ABHD17B: variants seen among roughly 807,000 people sequenced by gnomAD.
ABHD17B encodes abhydrolase domain containing 17B, depalmitoylase, also known as alpha/beta hydrolase domain-containing protein 17B.
ABHD17B carries 9 observed loss-of-function variants against 26.2 expected under a neutral mutation model. The ratio of observed to expected loss-of-function variants is 0.34; its 90% confidence interval spans 0.21 to 0.60. The LOEUF is 0.60. Ranked by LOEUF, ABHD17B falls within the 20% of genes least tolerant of loss-of-function variation. The pLI is 0.80. For missense variants in ABHD17B, 224 were observed against 352.1 expected, an observed-to-expected ratio of 0.64 and a Z score of 2.91; for synonymous variants, 127 against 122.3, an observed-to-expected ratio of 1.04 and a Z score of -0.25.
At chr9:71,892,662 A>G (rs552587105) in intron 1 of ABHD17B, among the ~76,000 whole-genome samples, 6 of 147,596 alleles carry the variant, frequency 4.1e-5, no homozygotes, top group East Asian at 2.1e-4. Flanking sequence ...TGGGGGGGGG[A>G]AGGCAGGTGA....
At chr9:71,869,975 T>A in intron 3 of ABHD17B, 108 bp downstream of exon 3, 2 of 993,118 alleles carry the variant, frequency 2.0e-6, no homozygotes, top group Non-Finnish European at 2.9e-6. Flanking sequence ...TGTGCTAATA[T>A]ATATAAAATG....
At chr9:71,886,432 A>T (rs1356097358) in intron 1 of ABHD17B, among the ~76,000 whole-genome samples, 2 of 152,062 alleles carry the variant, frequency 1.3e-5, no homozygotes, top group African/African-American at 4.8e-5. Context: ...AAAAAAAAAA[A>T]AAAAAAATCC....
intron 1 of ABHD17B, among the ~76,000 whole-genome samples, chr9:71,884,519 T>G (rs1028603434): frequency 1.3e-5 from 2 of 151,890 alleles, no homozygotes; most frequent in Non-Finnish European, 2.9e-5. Context: ...TATAATATCA[T>G]TAACATACAT....
chr9:71,875,375 G>A (rs887603504), intron 1 of ABHD17B, among the ~76,000 whole-genome samples: 6 of 152,000 alleles, frequency 3.9e-5, no homozygotes, highest in East Asian at 1.9e-4. Flanking sequence ...ACAGGCATGC[G>A]CCACCACACC....
At chr9:71,887,277 G>A (rs533862442) in intron 1 of ABHD17B, among the ~76,000 whole-genome samples, 1 of 152,108 alleles carries the variant, frequency 6.6e-6, no homozygotes, top group South Asian at 2.1e-4. Context: ...TGTAAGTTGT[G>A]AACTTACTAT....
At chr9:71,870,598 T>C (rs1826081586) in intron 2 of ABHD17B, among the ~76,000 whole-genome samples, 1 of 152,188 alleles carries the variant, frequency 6.6e-6, no homozygotes. Context: ...TCACTAATAT[T>C]TTAATGAACT....
At chr9:71,910,482 C>T (rs1324381557) in intron 1 of ABHD17B, among the ~76,000 whole-genome samples, 152 bp downstream of exon 1, 1 of 152,122 alleles carries the variant, frequency 6.6e-6, no homozygotes, top group African/African-American at 2.4e-5. Flanking sequence ...TCCCCTGTGC[C>T]GAGAAGGGAT....
intron 1 of ABHD17B, among the ~76,000 whole-genome samples, chr9:71,903,464 C>A (rs2132209059): frequency 6.6e-6 from 1 of 152,324 alleles, no homozygotes; most frequent in South Asian, 2.1e-4. Context: ...TCCAAATTCT[C>A]TGATTTTCTG....
chr9:71,873,737 G>T (rs1393831456), intron 2 of ABHD17B, among the ~76,000 whole-genome samples: 1 of 151,378 alleles, frequency 6.6e-6, no homozygotes, highest in African/African-American at 2.4e-5. Flanking sequence ...GTTTCACCAT[G>T]TTGGCCAGAC....
At chr9:71,870,822 T>C (rs550288518) in intron 2 of ABHD17B, among the ~76,000 whole-genome samples, 53 of 152,314 alleles carry the variant, frequency 3.5e-4, no homozygotes, top group African/African-American at 1.3e-3. Context: ...CTTTGCTTAG[T>C]TGTAGAAATG....
Position 71,870,142 on chromosome 9 carries a change from C to T in ABHD17B, c.588G>A (p.Ser196=), listed in dbSNP as rs112750915. The change falls in exon 3 of 4, where the codon TCG becomes TCA. Residue 196 remains serine, a synonymous_variant. Transcript: ENST00000333421. ...TATCAGGAAAGGCAACTCGCATTCC[C>T]GAAGTCAGAGGAGAATGAAGAATAA... ...AAVILHSPLT[S]GMRVAFPDTK... 89 of 1,613,818 alleles carry T rather than the reference C, an allele frequency of 5.5e-5. 3 individuals are homozygous for T. Among genetic ancestry groups the T allele is most frequent in the African/African-American group, 4.5e-4 (34 of 74,858 alleles).
Position 71,870,064 on chromosome 9 carries a change from T to C in ABHD17B, c.647+19A>G, listed in dbSNP as rs1277657566. The C allele has an allele frequency of 6.3e-7, 1 of 1,587,588 alleles. No homozygotes were observed. The highest frequency in any genetic ancestry group is 8.6e-7 in the Non-Finnish European group (1 of 1,169,542). ...CCCAAGTTTCTTGGAATTTAACTAT[T>C]TTGAATATTGCTACTTACTTTGGGA... On this transcript the variant is annotated intron_variant, in intron 3 of 3. Transcript: ENST00000333421.
At chr9:71,884,661 A>C (rs1826552608) in intron 1 of ABHD17B, among the ~76,000 whole-genome samples, 1 of 152,032 alleles carries the variant, frequency 6.6e-6, no homozygotes, top group Non-Finnish European at 1.5e-5. Flanking sequence ...AAATTAAGTA[A>C]AACAAGAGCA....
intron 3 of ABHD17B, among the ~76,000 whole-genome samples, chr9:71,868,908 C>T (rs781071377): frequency 2.6e-5 from 4 of 152,054 alleles, no homozygotes; most frequent in Non-Finnish European, 5.9e-5. Context: ...AGGCTGGTCT[C>T]GAACTCTTGG....
intron 1 of ABHD17B, among the ~76,000 whole-genome samples, chr9:71,902,892 A>T (rs1827184757): frequency 6.6e-6 from 1 of 152,206 alleles, no homozygotes; most frequent in South Asian, 2.1e-4. Context: ...TTCAGAAGCC[A>T]AACAAGTTTG....
At chr9:71,881,988 T>C (rs931893819) in intron 1 of ABHD17B, among the ~76,000 whole-genome samples, 35 of 150,414 alleles carry the variant, frequency 2.3e-4, no homozygotes, top group Admixed American at 1.8e-3. Flanking sequence ...GATATACAAA[T>C]GGCCAATGGG....
intron 3 of ABHD17B, among the ~76,000 whole-genome samples, chr9:71,868,338 G>A (rs1474854238): frequency 2.0e-5 from 3 of 152,148 alleles, no homozygotes; most frequent in African/African-American, 7.2e-5. Context: ...GTAAAGAGTT[G>A]ATCAGCTCCT....
chr9:71,893,727 T>C (rs1219580829), intron 1 of ABHD17B, among the ~76,000 whole-genome samples: 1 of 152,220 alleles, frequency 6.6e-6, no homozygotes, highest in Non-Finnish European at 1.5e-5. Flanking sequence ...TGCCTGTTTC[T>C]GGGTAACTAA....
intron 1 of ABHD17B, among the ~76,000 whole-genome samples, chr9:71,884,233 T>C (rs1826539160): frequency 2.0e-5 from 3 of 152,212 alleles, no homozygotes. Flanking sequence ...ATGGAAATCT[T>C]TGTAAACTGC....
Sources: allele counts gnomAD v4.1 joint callset (sites outside exome capture counted in the v4.1 genomes callset), GRCh38; gene constraint gnomAD v4.1.1; transcripts MANE v1.5; gene names NCBI Gene and HGNC (gene_info 2026-07-23, HGNC 2026-07-21).